The following NCAPG2 variants were observed in gnomAD, a reference collection of about 807,000 sequenced individuals.
The protein encoded by NCAPG2 is non-SMC condensin II complex subunit G2.
A neutral mutation model predicts 141.1 loss-of-function variants in NCAPG2; 53 were observed. The observed-to-expected ratio is 0.38, with a 90% CI of 0.30 to 0.47. The LOEUF is 0.47. Among genes scored for constraint, NCAPG2 ranks in the 20% least tolerant of loss-of-function variants. NCAPG2 has a pLI of 0.99. For missense variants in NCAPG2, 1,087 were observed against 1,389.0 expected, an observed-to-expected ratio of 0.78 and a Z score of 3.46; for synonymous variants, 499 against 490.7, an observed-to-expected ratio of 1.02 and a Z score of -0.22.
At position 158,650,735 on chromosome 7, in the gene NCAPG2, A is replaced by C. The variant is rs1331185773; in HGVS notation, c.3075+97T>G. 1.4e-5 allele frequency: 20 copies of C among 1,426,556 alleles called. No homozygotes were observed. The East Asian group carries it at 4.7e-4, about 34-fold the overall frequency. The allele number at this position is 1,426,556 out of a possible 1,614,324, so 88.4% of individuals were successfully genotyped here. A position where few individuals can be genotyped will look rare whatever the true frequency, so the allele number is the denominator to read the frequency against. On this transcript the variant is annotated intron_variant, in intron 24 of 27. Transcript: ENST00000356309. ...TCACTCAAGTTTGAAAATTCTTAAA[A>C]AATACTTTGAGAAACGTAGAGAATG... is the stretch of plus-strand genomic sequence containing the variant.
intron 3 of NCAPG2, 93 bp downstream of exon 3, chr7:158,693,216 T>C: frequency 7.4e-7 from 1 of 1,345,394 alleles, no homozygotes; most frequent in South Asian, 1.3e-5. Context: ...CTTCAAAATC[T>C]GTCTTAATGT....
chr7:158,638,129 G>A (rs2129456180), intron 27 of NCAPG2, among the ~76,000 whole-genome samples: 1 of 152,242 alleles, frequency 6.6e-6, no homozygotes, highest in African/African-American at 2.4e-5. Flanking sequence ...GCATAACAGA[G>A]GGAGACTCTT....
intron 27 of NCAPG2, chr7:158,641,239 A>C (rs1287662040): frequency 5.7e-6 from 2 of 353,384 alleles, no homozygotes; most frequent in East Asian, 4.1e-5. Context: ...ACAAATAACA[A>C]GGGGAACAAA....
At chr7:158,652,691 A>T (rs1012185081) in intron 22 of NCAPG2, among the ~76,000 whole-genome samples, 1 of 152,268 alleles carries the variant, frequency 6.6e-6, no homozygotes, top group African/African-American at 2.4e-5. Context: ...TGTCCCATTT[A>T]AGTTAAAACT....
intron 6 of NCAPG2, among the ~76,000 whole-genome samples, chr7:158,687,841 C>G (rs972090670): frequency 6.6e-6 from 1 of 152,216 alleles, no homozygotes; most frequent in African/African-American, 2.4e-5. Context: ...CAGTTCATTT[C>G]ACCTTCTCAT....
chr7:158,704,039 G>C (rs1295625645), intron 1 of NCAPG2, among the ~76,000 whole-genome samples: 1 of 150,420 alleles, frequency 6.6e-6, no homozygotes, highest in African/African-American at 2.5e-5. Context: ...AGGACTGAGG[G>C]GACGCTCTCT....
intron 1 of NCAPG2, among the ~76,000 whole-genome samples, chr7:158,702,622 A>G (rs1835883178): frequency 6.6e-6 from 1 of 152,244 alleles, no homozygotes. Context: ...AAGATGAGGT[A>G]ATAGCAAATG....
At chr7:158,688,799 C>T (rs146778850) in intron 6 of NCAPG2, among the ~76,000 whole-genome samples, 3 of 152,354 alleles carry the variant, frequency 2.0e-5, no homozygotes, top group Non-Finnish European at 1.5e-5. Flanking sequence ...AATCACATGG[C>T]CCTTTGTCTA....
chr7:158,656,512 C>A, intron 18 of NCAPG2, 40 bp downstream of exon 18: 2 of 1,612,032 alleles, frequency 1.2e-6, no homozygotes, highest in South Asian at 1.1e-5. Context: ...CACAGTTATC[C>A]TCACTCACCT....
At chr7:158,632,467 A>G (rs772099250) in intron 27 of NCAPG2, among the ~76,000 whole-genome samples, 3 of 152,144 alleles carry the variant, frequency 2.0e-5, no homozygotes, top group African/African-American at 4.8e-5. Flanking sequence ...ATTACAGGGC[A>G]CTCCAAAGCA....
At chr7:158,655,753 C>CCCCA (rs1201439945) in intron 19 of NCAPG2, among the ~76,000 whole-genome samples, 2 of 1,204 alleles carry the variant, frequency 1.7e-3, no homozygotes, top group African/African-American at 2.3e-3. Flanking sequence ...CCTGGCTCCA[C>CCCCA]TCTGCTGGGG....
intron 6 of NCAPG2, among the ~76,000 whole-genome samples, chr7:158,689,157 G>C (rs1448608291): frequency 6.6e-6 from 1 of 151,932 alleles, no homozygotes; most frequent in Non-Finnish European, 1.5e-5. Flanking sequence ...AAGTAAAGAA[G>C]ATTAATTTTA....
At chr7:158,647,589 C>T (rs942705742) in intron 24 of NCAPG2, among the ~76,000 whole-genome samples, 12 of 152,166 alleles carry the variant, frequency 7.9e-5, no homozygotes, top group African/African-American at 2.4e-4. Flanking sequence ...CCTGTAATAG[C>T]TGAGACATGA....
chr7:158,702,290 A>C (rs1036739516), intron 1 of NCAPG2: 1 of 162,342 alleles, frequency 6.2e-6, no homozygotes, highest in Non-Finnish European at 1.3e-5. Context: ...TGATTCAACA[A>C]AAGAACAATC....
At chr7:158,665,888 G>A (rs35598457) in intron 13 of NCAPG2, among the ~76,000 whole-genome samples, 82,481 of 152,022 alleles carry the variant, frequency 0.54, 22,992 homozygotes, top group Non-Finnish European at 0.6. Flanking sequence ...CTCCTGAAGC[G>A]CCCCGGGGAT....
At chr7:158,641,407 A>C in intron 27 of NCAPG2, 1 of 507,722 alleles carries the variant, frequency 2.0e-6, no homozygotes, top group South Asian at 3.0e-5. Flanking sequence ...TTTAAATATA[A>C]AGACACATAT....
At position 158,645,529 on chromosome 7, in the gene NCAPG2, A is replaced by G. The variant is rs2129457495; in HGVS notation, c.3270T>C (p.Val1090=). 1 of 1,614,030 alleles carries G rather than the reference A, an allele frequency of 6.2e-7. No individual in the cohort carries two copies. The highest frequency in any genetic ancestry group is 2.2e-5 in the East Asian group (1 of 44,890). ...GGGAATGTAACCAACCTGCATTAAT[A>G]ACCAGGATAATATGCACAGCAGCCG... ...CLTAAVHIIL[V]INAGKHKSSK... The change falls in exon 26 of 28, where the codon GTT becomes GTC. Residue 1090 remains valine (V), a synonymous_variant. Coordinates refer to ENST00000356309, the MANE Select transcript of NCAPG2 (RefSeq NM_017760.7).
chr7:158,701,934 T>A lies in NCAPG2; in HGVS notation c.-35A>T. ...CACTGTTCAAATGGCATTTATTTTGTAACCCTAATGGAAAACACAATCATA... is the reference window on the plus strand; with the variant it reads ...CACTGTTCAAATGGCATTTATTTTGAAACCCTAATGGAAAACACAATCATA... On this transcript the variant is annotated 5_prime_UTR_variant, in exon 2 of 28. Coordinates refer to ENST00000356309, the MANE Select transcript of NCAPG2 (RefSeq NM_017760.7). 1 of 1,550,068 alleles carries A rather than the reference T, an allele frequency of 6.5e-7. No homozygotes were observed. The highest frequency in any genetic ancestry group is 8.8e-7 in the Non-Finnish European group (1 of 1,135,476).
At chr7:158,656,172 A>T in intron 19 of NCAPG2, 88 bp downstream of exon 19, 1 of 1,457,604 alleles carries the variant, frequency 6.9e-7, no homozygotes, top group Non-Finnish European at 9.4e-7. Context: ...GAACACTTGT[A>T]TAGCACTGTA....
Sources: gnomAD v4.1 joint callset for allele counts (sites outside exome capture counted in the v4.1 genomes callset) on GRCh38, gnomAD v4.1.1 for gene constraint, MANE v1.5 for transcripts, NCBI Gene and HGNC (gene_info 2026-07-23, HGNC 2026-07-21) for gene names.